Variants in SH2D4A observed in about 807,000 individuals in gnomAD.
SH2D4A encodes the protein SH2 domain-containing protein 4A.
A neutral mutation model predicts 64.7 loss-of-function variants in SH2D4A; 70 were observed. The ratio of observed to expected loss-of-function variants is 1.08; its 90% CI spans 0.89 to 1.32. The LOEUF (loss-of-function observed/expected upper bound fraction) is 1.32, where lower values mean the gene tolerates loss of function less well. SH2D4A is among the 40% of genes most tolerant of loss of function. The pLI, the probability that SH2D4A is intolerant of heterozygous loss-of-function variation, is 0.00. For synonymous variants in SH2D4A, 268 were observed against 200.7 expected (o/e 1.34, Z -2.83); for missense variants, 706 against 540.1 (o/e 1.31, Z -3.04).
At chr8:19,336,616 C>T (rs370817825) in intron 4 of SH2D4A, among the ~76,000 whole-genome samples, 2 of 152,024 alleles carry the variant, frequency 1.3e-5, no homozygotes, top group South Asian at 2.1e-4. Flanking sequence ...TTTTGGAGGC[C>T]GAGGCAGGAG....
intron 8 of SH2D4A, among the ~76,000 whole-genome samples, chr8:19,379,149 G>A (rs1209698596): frequency 6.6e-6 from 1 of 151,112 alleles, no homozygotes; most frequent in African/African-American, 2.4e-5. Context: ...TTGTAAAACT[G>A]AAACTACCCA....
chr8:19,327,974 C>G (rs78399198), intron 2 of SH2D4A, among the ~76,000 whole-genome samples: 5,331 of 152,278 alleles, frequency 0.035, 167 homozygotes, highest in South Asian at 0.11. Flanking sequence ...CAGGGCTTGA[C>G]ACTGCCCTGT....
At chr8:19,366,660 C>T (rs1318250275) in intron 7 of SH2D4A, among the ~76,000 whole-genome samples, 2 of 152,038 alleles carry the variant, frequency 1.3e-5, no homozygotes, top group African/African-American at 4.8e-5. Flanking sequence ...CCTGGTGTGG[C>T]GTGCACCTGT....
intron 7 of SH2D4A, among the ~76,000 whole-genome samples, chr8:19,367,151 A>G (rs938903795): frequency 6.6e-6 from 1 of 152,088 alleles, no homozygotes; most frequent in Non-Finnish European, 1.5e-5. Flanking sequence ...TGATTGATTC[A>G]TTGTTGGACA....
At chr8:19,378,606 G>C (rs2053234704) in intron 8 of SH2D4A, among the ~76,000 whole-genome samples, 1 of 151,984 alleles carries the variant, frequency 6.6e-6, no homozygotes, top group Admixed American at 6.6e-5. Context: ...CTGCTAACTT[G>C]TGTATTTTTA....
chr8:19,390,978 C>T (rs1435728484), intron 8 of SH2D4A, among the ~76,000 whole-genome samples: 1 of 152,164 alleles, frequency 6.6e-6, no homozygotes, highest in African/African-American at 2.4e-5. Context: ...GTAACACCTG[C>T]CCCATCTGTT....
At chr8:19,344,232 T>C (rs997272767) in intron 4 of SH2D4A, among the ~76,000 whole-genome samples, 7 of 152,106 alleles carry the variant, frequency 4.6e-5, no homozygotes, top group African/African-American at 1.7e-4. Context: ...CTTAAGAGGC[T>C]GAAATCAAGA....
intron 2 of SH2D4A, among the ~76,000 whole-genome samples, chr8:19,330,429 C>T (rs947139021): frequency 3.9e-5 from 6 of 152,186 alleles, no homozygotes; most frequent in Non-Finnish European, 7.3e-5. Flanking sequence ...CCATCTCATT[C>T]TCTTTCTTCT....
intron 1 of SH2D4A, among the ~76,000 whole-genome samples, chr8:19,315,090 T>G: frequency 8.8e-6 from 1 of 113,842 alleles, no homozygotes; most frequent in East Asian, 3.5e-4. Context: ...AAAACCGCAG[T>G]TACTTTTTTT....
chr8:19,391,619 G>A (rs760036866), intron 8 of SH2D4A, among the ~76,000 whole-genome samples: 2 of 152,142 alleles, frequency 1.3e-5, no homozygotes, highest in Non-Finnish European at 2.9e-5. Flanking sequence ...CATACACTGG[G>A]ACTCTGCAGT....
chr8:19,315,810 CTAGT>C (rs2052078254), intron 1 of SH2D4A, among the ~76,000 whole-genome samples: 1 of 152,110 alleles, frequency 6.6e-6, no homozygotes, highest in African/African-American at 2.4e-5. Context: ...TAGGAAAGCC[CTAGT>C]TAGTTAATTT....
chr8:19,342,705 C>A (rs1171769578), intron 4 of SH2D4A, among the ~76,000 whole-genome samples: 1 of 152,136 alleles, frequency 6.6e-6, no homozygotes, highest in Non-Finnish European at 1.5e-5. Flanking sequence ...TATCTGCCCC[C>A]GGGAAGGTAA....
At chr8:19,345,076 T>C (rs1044978122) in intron 4 of SH2D4A, among the ~76,000 whole-genome samples, 7 of 152,236 alleles carry the variant, frequency 4.6e-5, no homozygotes, top group African/African-American at 1.4e-4. Context: ...TGCAGGTCTT[T>C]TGTTTTCTTA....
At chr8:19,317,611 G>T (rs2052112176) in intron 1 of SH2D4A, among the ~76,000 whole-genome samples, 1 of 152,156 alleles carries the variant, frequency 6.6e-6, no homozygotes, top group African/African-American at 2.4e-5. Context: ...TGTCTCAAAA[G>T]ACAGGTGTAA....
At chr8:19,330,918 C>G (rs2052356712) in intron 2 of SH2D4A, among the ~76,000 whole-genome samples, 1 of 152,196 alleles carries the variant, frequency 6.6e-6, no homozygotes, top group Non-Finnish European at 1.5e-5. Context: ...GGCATTATGT[C>G]AAACAGACAA....
intron 8 of SH2D4A, among the ~76,000 whole-genome samples, chr8:19,393,087 T>C (rs1185117933): frequency 6.6e-6 from 1 of 152,208 alleles, no homozygotes; most frequent in Non-Finnish European, 1.5e-5. Flanking sequence ...CTCTCATGTA[T>C]ACCTCTATAC....
At chr8:19,334,392 T>G (rs1198814972) in intron 3 of SH2D4A, among the ~76,000 whole-genome samples, 2 of 152,020 alleles carry the variant, frequency 1.3e-5, no homozygotes, top group Non-Finnish European at 2.9e-5. Flanking sequence ...AAACCAGGAG[T>G]TGAGCAGACC....
At chr8:19,387,994 G>C in intron 8 of SH2D4A, among the ~76,000 whole-genome samples, 1 of 152,188 alleles carries the variant, frequency 6.6e-6, no homozygotes, top group East Asian at 1.9e-4. Flanking sequence ...GCTAAGCTCA[G>C]ATGTTGGAAG....
At chr8:19,373,186 A>G (rs974634933) in intron 7 of SH2D4A, among the ~76,000 whole-genome samples, 2 of 151,872 alleles carry the variant, frequency 1.3e-5, no homozygotes, top group African/African-American at 4.8e-5. Context: ...CAAGTGACAG[A>G]TTTATATTCC....
Sources: allele counts gnomAD v4.1 joint callset (sites outside exome capture counted in the v4.1 genomes callset), GRCh38; gene constraint gnomAD v4.1.1; transcripts MANE v1.5; gene names NCBI Gene and HGNC (gene_info 2026-07-23, HGNC 2026-07-21).